AMPH: variants seen among roughly 807,000 people sequenced by gnomAD.
The protein encoded by AMPH is amphiphysin (Stiff-Mann syndrome with breast cancer 128kD autoantigen).
A neutral mutation model predicts 99.1 loss-of-function variants in AMPH; 49 were observed. That is an observed-to-expected ratio of 0.49 (90% CI 0.39 to 0.63). The LOEUF (loss-of-function observed/expected upper bound fraction) is 0.63, where lower values mean the gene tolerates loss of function less well. Among genes scored for constraint, AMPH ranks in the 20% least tolerant of loss-of-function variants. AMPH has a pLI of 0.00. For synonymous variants in AMPH, 314 were observed against 317.3 expected (o/e 0.99, Z 0.11); for missense variants, 759 against 863.4 (o/e 0.88, Z 1.52).
chr7:38,402,041 A>C (rs926775202), intron 17 of AMPH, among the ~76,000 whole-genome samples: 1 of 152,134 alleles, frequency 6.6e-6, no homozygotes, highest in African/African-American at 2.4e-5. Context: ...ATATCACTAA[A>C]TCGATTCTCT....
chr7:38,593,379 T>C (rs1792930392), intron 1 of AMPH, among the ~76,000 whole-genome samples: 1 of 152,194 alleles, frequency 6.6e-6, no homozygotes, highest in Non-Finnish European at 1.5e-5. Context: ...CAACTCCCAG[T>C]GTGCCCTACC....
chr7:38,440,210 G>T (rs1328121205), intron 11 of AMPH, among the ~76,000 whole-genome samples: 1 of 152,136 alleles, frequency 6.6e-6, no homozygotes, highest in East Asian at 1.9e-4. Context: ...ACTAACAGAG[G>T]AACAACATGA....
intron 2 of AMPH, among the ~76,000 whole-genome samples, chr7:38,509,273 G>A (rs1789449491): frequency 6.6e-6 from 1 of 152,166 alleles, no homozygotes; most frequent in Non-Finnish European, 1.5e-5. Context: ...GGCAGGGAGT[G>A]CATGGAAGGA....
intron 1 of AMPH, among the ~76,000 whole-genome samples, chr7:38,537,944 A>G (rs1790676236): frequency 6.6e-6 from 1 of 152,228 alleles, no homozygotes; most frequent in Admixed American, 6.5e-5. Context: ...CCCAAGGAAA[A>G]GAGCACAGCC....
chr7:38,577,172 G>A (rs573746986), intron 1 of AMPH, among the ~76,000 whole-genome samples: 3 of 152,222 alleles, frequency 2.0e-5, no homozygotes, highest in South Asian at 2.1e-4. Flanking sequence ...AAAAACTGCT[G>A]AACAAATGAC....
chr7:38,432,542 T>C (rs1280544868), intron 12 of AMPH, among the ~76,000 whole-genome samples: 1 of 152,040 alleles, frequency 6.6e-6, no homozygotes, highest in Non-Finnish European at 1.5e-5. Context: ...ACTTTCACTA[T>C]GTGAGTAGAA....
At chr7:38,412,834 G>A (rs1785252899) in intron 17 of AMPH, among the ~76,000 whole-genome samples, 1 of 152,168 alleles carries the variant, frequency 6.6e-6, no homozygotes. Flanking sequence ...AATGAAGATA[G>A]AAAAATTCCC....
At chr7:38,488,240 T>C (rs1373467561) in intron 5 of AMPH, among the ~76,000 whole-genome samples, 3 of 152,078 alleles carry the variant, frequency 2.0e-5, no homozygotes, top group Admixed American at 6.6e-5. Context: ...TTTATTGCAG[T>C]GCTATTCACA....
chr7:38,495,646 T>A (rs1214586903), intron 3 of AMPH, among the ~76,000 whole-genome samples: 2 of 151,434 alleles, frequency 1.3e-5, no homozygotes, highest in Non-Finnish European at 2.9e-5. Context: ...TGATGTTGAA[T>A]GAAACAATGC....
At chr7:38,608,337 C>G (rs2129064239) in intron 1 of AMPH, among the ~76,000 whole-genome samples, 1 of 152,288 alleles carries the variant, frequency 6.6e-6, no homozygotes, top group African/African-American at 2.4e-5. Flanking sequence ...CTCCTGGTGT[C>G]CTCATGGGTA....
At chr7:38,597,226 G>A (rs1457759502) in intron 1 of AMPH, among the ~76,000 whole-genome samples, 3 of 152,076 alleles carry the variant, frequency 2.0e-5, no homozygotes, top group Non-Finnish European at 4.4e-5. Context: ...ATTTGATTAT[G>A]ACATATGAAT....
chr7:38,597,436 A>C (rs188002373), intron 1 of AMPH, among the ~76,000 whole-genome samples: 72 of 152,332 alleles, frequency 4.7e-4, no homozygotes, highest in African/African-American at 1.6e-3. Flanking sequence ...CAGCTCTGCA[A>C]CTAGGACTTC....
At chr7:38,402,222 T>C (rs888948573) in intron 17 of AMPH, among the ~76,000 whole-genome samples, 4 of 152,188 alleles carry the variant, frequency 2.6e-5, no homozygotes, top group African/African-American at 9.7e-5. Flanking sequence ...CCTTCATCTT[T>C]TGTTTCACCT....
intron 15 of AMPH, among the ~76,000 whole-genome samples, chr7:38,425,238 G>A (rs77052871): frequency 6.6e-6 from 1 of 152,208 alleles, no homozygotes; most frequent in Non-Finnish European, 1.5e-5. Context: ...CAGGATGGAA[G>A]AGCCAGTGAG....
intron 1 of AMPH, among the ~76,000 whole-genome samples, chr7:38,542,773 T>C (rs1409733013): frequency 6.6e-6 from 1 of 151,764 alleles, no homozygotes; most frequent in East Asian, 2.0e-4. Context: ...CTGAGCAACA[T>C]GGCGAGACCT....
chr7:38,419,135 C>T (rs114483474), intron 16 of AMPH, among the ~76,000 whole-genome samples: 170 of 152,130 alleles, frequency 1.1e-3, no homozygotes, highest in African/African-American at 3.9e-3. Flanking sequence ...CTAATTAATG[C>T]TGTGATTGGA....
chr7:38,620,360 G>GTGTGTGTGTGTGTGTT (rs768857921), intron 1 of AMPH, among the ~76,000 whole-genome samples: 1 of 122,392 alleles, frequency 8.2e-6, no homozygotes, highest in Non-Finnish European at 1.8e-5. Flanking sequence ...GTGTGTGTGT[G>GTGTGTGTGTGTGTGTT]TGTCTGTGTG....
chr7:38,567,232 C>T (rs61615675), intron 1 of AMPH, among the ~76,000 whole-genome samples: 42,815 of 151,970 alleles, frequency 0.28, 6,418 homozygotes, highest in Non-Finnish European at 0.34. Flanking sequence ...AGTTCATGTC[C>T]TTTGCAGGGA....
intron 14 of AMPH, 146 bp downstream of exon 14, chr7:38,429,696 C>T: frequency 7.8e-7 from 1 of 1,277,136 alleles, no homozygotes; most frequent in South Asian, 1.4e-5. Flanking sequence ...TAAAACCAAA[C>T]TGGAAAGTGA....
Sources: gnomAD v4.1 joint callset for allele counts (sites outside exome capture counted in the v4.1 genomes callset) on GRCh38, gnomAD v4.1.1 for gene constraint, MANE v1.5 for transcripts, NCBI Gene and HGNC (gene_info 2026-07-23, HGNC 2026-07-21) for gene names.